Variants in GALNT9 observed in about 807,000 individuals in gnomAD.
The protein encoded by GALNT9 is GalNAc transferase 9.
Under a neutral mutation model 63.1 loss-of-function variants are expected in GALNT9, and 47 were observed. The observed-to-expected ratio is 0.75, with a 90% CI of 0.59 to 0.95. The LOEUF (loss-of-function observed/expected upper bound fraction) is 0.95. Ranked by LOEUF, GALNT9 falls within the 40% of genes least tolerant of loss-of-function variation. The probability of loss-of-function intolerance (pLI) is 0.00; values close to 1 mark genes in which losing one functional copy is unlikely to be tolerated. For synonymous variants in GALNT9, 396 were observed against 365.7 expected (o/e 1.08, Z -0.94); for missense variants, 829 against 874.8 (o/e 0.95, Z 0.66).
chr12:132,287,129 G>A lies in GALNT9; in HGVS notation c.239-699C>T, dbSNP rs929458711. Among the ~76,000 whole-genome samples, 5 of 137,140 alleles carry A rather than the reference G, an allele frequency of 3.6e-5. 1 individual carries two copies. The highest frequency in any genetic ancestry group is 2.1e-4 in the East Asian group (1 of 4,742). The allele number at this position is 137,140 out of a possible 152,430, so 90.0% of individuals were successfully genotyped here. A position where few individuals can be genotyped will look rare whatever the true frequency, so the allele number is the denominator to read the frequency against. ...CATCGGGCAGCATCGGCTCATCGAC[G>A]GTGACACAGTCACACTCACGCACGC... On this transcript the variant is annotated intron_variant, in intron 1 of 10. Coordinates refer to ENST00000328957, the MANE Select transcript of GALNT9 (RefSeq NM_001122636.2).
chr12:132,328,886 G>A, intron 1 of GALNT9, 80 bp downstream of exon 1: 1 of 1,398,566 alleles, frequency 7.2e-7, no homozygotes. Flanking sequence ...CGCACCCGAG[G>A]CCGGCCTGAC....
intron 5 of GALNT9, among the ~76,000 whole-genome samples, chr12:132,255,860 T>TCACGCTG: frequency 6.6e-6 from 1 of 152,094 alleles, no homozygotes; most frequent in East Asian, 1.9e-4. Context: ...CTTTGCGATC[T>TCACGCTG]TCACGCTGGG....
chr12:132,303,478 C>G (rs1471609744), intron 1 of GALNT9, among the ~76,000 whole-genome samples: 2 of 64,234 alleles, frequency 3.1e-5, no homozygotes, highest in African/African-American at 6.0e-5. Context: ...CACCCTCACC[C>G]GGGCACAGAA....
At chr12:132,305,366 C>G (rs558883334) in intron 1 of GALNT9, among the ~76,000 whole-genome samples, 4 of 50,308 alleles carry the variant, frequency 8.0e-5, no homozygotes, top group Non-Finnish European at 1.4e-4. Context: ...CACCCTCACC[C>G]GGGCACACCC....
At chr12:132,253,309 G>A (rs868982247) in intron 5 of GALNT9, among the ~76,000 whole-genome samples, 15 of 151,866 alleles carry the variant, frequency 9.9e-5, no homozygotes, top group African/African-American at 3.4e-4. Context: ...AGCTGGTGGA[G>A]CAGAGTGTTC....
At chr12:132,321,230 T>G (rs1381289018) in intron 1 of GALNT9, among the ~76,000 whole-genome samples, 1 of 150,566 alleles carries the variant, frequency 6.6e-6, no homozygotes, top group Non-Finnish European at 1.5e-5. Context: ...GGGTCTGGAG[T>G]CGAGGCCCCT....
intron 4 of GALNT9, 121 bp from the exon 5 acceptor site, chr12:132,258,007 C>G: frequency 1.5e-6 from 1 of 688,400 alleles, no homozygotes; most frequent in South Asian, 1.8e-5. Flanking sequence ...CCCTGCCACC[C>G]CCTGCTGAGC....
chr12:132,287,172 C>T (rs554449778), intron 1 of GALNT9, among the ~76,000 whole-genome samples: 3 of 151,234 alleles, frequency 2.0e-5, no homozygotes, highest in East Asian at 4.0e-4. Context: ...CCGTGAGCCA[C>T]GGCCCTCAGT....
rs112771198 is a variant in GALNT9, at chr12:132,265,795, G to A, written c.420-3170C>T. Among the ~76,000 whole-genome samples the A allele has an allele frequency of 0.065, 9,846 of 152,244 alleles. 1,041 individuals carry two copies. Among genetic ancestry groups the A allele is most frequent in the African/African-American group, 0.22 (9,277 of 41,492 alleles). ...CTCGGAGGGGCCAGGGGCTTCTCCA[G>A]GACACTGTACACACAGTTACACTCC... is the stretch of plus-strand genomic sequence containing the variant. On this transcript the variant is annotated intron_variant, in intron 2 of 10. Transcript: ENST00000328957. The surrounding 1 kb of genome is among the most constrained non-coding windows in gnomAD (Gnocchi z 5.3).
In GALNT9 at chr12:132,203,708, T is replaced by G. The variant is rs1203867832; in HGVS notation, c.1078-18A>C. On this transcript the variant is annotated intron_variant, in intron 6 of 10. Coordinates refer to ENST00000328957, the MANE Select transcript of GALNT9 (RefSeq NM_001122636.2). ...TGCCACACCTGCGGGGAGACGGCGCTGGGTGCCGGCGTCCTTCCCAACGGA... is the reference window on the plus strand; with the variant it reads ...TGCCACACCTGCGGGGAGACGGCGCGGGGTGCCGGCGTCCTTCCCAACGGA... The G allele has an allele frequency of 3.7e-6, 6 of 1,606,804 alleles. No homozygotes were observed. The highest frequency in any genetic ancestry group is 5.1e-6 in the Non-Finnish European group (6 of 1,178,676).
At chr12:132,241,511 A>AT (rs1283499466) in intron 6 of GALNT9, among the ~76,000 whole-genome samples, 918 of 80,502 alleles carry the variant, frequency 0.011, no homozygotes, top group Non-Finnish European at 0.017. Flanking sequence ...CCCTATACCC[A>AT]TTACACACAC....
At chr12:132,216,219 A>G (rs1330155255) in intron 6 of GALNT9, among the ~76,000 whole-genome samples, 1 of 152,230 alleles carries the variant, frequency 6.6e-6, no homozygotes, top group Non-Finnish European at 1.5e-5. Flanking sequence ...GGAGAGAGAG[A>G]CAAAGGAACA....
rs772372545 is a variant in GALNT9, at chr12:132,199,212, G to A, written c.1459C>T (p.Arg487Trp). 3.2e-5 allele frequency: 52 copies of A among 1,603,798 alleles called. No individual in the cohort carries two copies. The highest frequency in any genetic ancestry group is 1.4e-4 in the South Asian group (13 of 91,064). Reference sequence around the variant, plus strand: ...CCGTGGCAGGGGTAGAGGATCGCCCGGTCGCCGTCCTCCGCTCCCTGGTCC... The same window carrying A: ...CCGTGGCAGGGGTAGAGGATCGCCCAGTCGCCGTCCTCCGCTCCCTGGTCC... ...CLDQGAEDGD[R>W]AILYPCHGMS... is the part of the protein sequence containing the mutation. Residue 487 changes from arginine to tryptophan, a missense_variant, in exon 9 of 11, where the codon CGG becomes TGG. Coordinates refer to ENST00000328957, the MANE Select transcript of GALNT9 (RefSeq NM_001122636.2).
At chr12:132,240,955 G>A (rs1464340463) in intron 6 of GALNT9, among the ~76,000 whole-genome samples, 17 of 135,682 alleles carry the variant, frequency 1.3e-4, no homozygotes, top group East Asian at 2.2e-4. Context: ...CCCTTCCCGG[G>A]GCCCTCCCTA....
chr12:132,228,239 C>T (rs900237525), intron 6 of GALNT9, among the ~76,000 whole-genome samples: 33 of 152,128 alleles, frequency 2.2e-4, no homozygotes, highest in Middle Eastern at 3.4e-3. Context: ...CGCGTCCCTC[C>T]CCGGCGTCCC....
At chr12:132,313,454 C>T (rs1447311388) in intron 1 of GALNT9, among the ~76,000 whole-genome samples, 4 of 149,372 alleles carry the variant, frequency 2.7e-5, no homozygotes, top group African/African-American at 7.4e-5. Flanking sequence ...TCCATCCATC[C>T]ACTCACCCAC....
At chr12:132,291,211 C>G (rs370497424) in intron 1 of GALNT9, among the ~76,000 whole-genome samples, 3 of 28,658 alleles carry the variant, frequency 1.0e-4, no homozygotes, top group South Asian at 2.2e-3. Flanking sequence ...CACGTCCACA[C>G]CACCCACATC....
At chr12:132,222,208 C>T (rs985434712) in intron 6 of GALNT9, among the ~76,000 whole-genome samples, 1 of 152,152 alleles carries the variant, frequency 6.6e-6, no homozygotes, top group African/African-American at 2.4e-5. Flanking sequence ...AAAAAGAATT[C>T]TACGAGTATC....
At chr12:132,303,390 G>C (rs28450908) in intron 1 of GALNT9, among the ~76,000 whole-genome samples, 47,726 of 99,922 alleles carry the variant, frequency 0.48, 11,291 homozygotes, top group South Asian at 0.54. Context: ...CCGGGGCACA[G>C]CCTCGCCCGG....
Sources: gnomAD v4.1 joint callset for allele counts (sites outside exome capture counted in the v4.1 genomes callset) on GRCh38, gnomAD v4.1.1 for gene constraint, Gnocchi (gnomAD v3.1) non-coding constraint, MANE v1.5 for transcripts, NCBI Gene and HGNC (gene_info 2026-07-23, HGNC 2026-07-21) for gene names.